ATP9B: variants seen among roughly 807,000 people sequenced by gnomAD.
ATP9B encodes probable phospholipid-transporting ATPase IIB.
In ATP9B, 110 loss-of-function variants were observed where a neutral mutation model predicts 146.1. The observed-to-expected ratio is 0.75, with a 90% confidence interval of 0.65 to 0.88. The LOEUF (loss-of-function observed/expected upper bound fraction) is 0.88, where lower values mean the gene tolerates loss of function less well. ATP9B is among the 40% of genes least tolerant of loss of function. The pLI, the probability that ATP9B is intolerant of heterozygous loss-of-function variation, is 0.00. For synonymous variants in ATP9B, 604 were observed against 569.7 expected (o/e 1.06, Z -0.86); for missense variants, 1,499 against 1,496.4 (o/e 1.00, Z -0.03).
At chr18:79,097,768 G>GTC (rs1396958130) in intron 2 of ATP9B, among the ~76,000 whole-genome samples, 13 of 144,502 alleles carry the variant, frequency 9.0e-5, no homozygotes, top group Non-Finnish European at 1.3e-4. Flanking sequence ...TCTTAATCCA[G>GTC]TCTATCATTG....
intron 8 of ATP9B, among the ~76,000 whole-genome samples, chr18:79,192,325 G>A (rs2095374492): frequency 6.6e-6 from 1 of 152,130 alleles, no homozygotes; most frequent in South Asian, 2.1e-4. Flanking sequence ...AACTCTGTGT[G>A]TTAAAGGGTC....
chr18:79,184,185 G>A (rs1355268415), intron 8 of ATP9B, among the ~76,000 whole-genome samples: 1 of 152,048 alleles, frequency 6.6e-6, no homozygotes, highest in Non-Finnish European at 1.5e-5. Context: ...TTTGTCAGTA[G>A]GTGGAATCGA....
chr18:79,245,593 A>C (rs111991863), intron 11 of ATP9B, among the ~76,000 whole-genome samples: 998 of 43,898 alleles, frequency 0.023, 11 homozygotes, highest in African/African-American at 0.045. Context: ...CACCGCCCTA[A>C]TGACTGTGCG....
At chr18:79,328,867 A>T (rs887629751) in intron 15 of ATP9B, among the ~76,000 whole-genome samples, 2 of 152,210 alleles carry the variant, frequency 1.3e-5, no homozygotes, top group Non-Finnish European at 2.9e-5. Context: ...CTAGGGAGCA[A>T]TTAACACAAA....
At chr18:79,335,071 A>C (rs2096815852) in intron 17 of ATP9B, among the ~76,000 whole-genome samples, 1 of 151,872 alleles carries the variant, frequency 6.6e-6, no homozygotes, top group Non-Finnish European at 1.5e-5. Context: ...AACTGTTTTC[A>C]CTTTGCACAC....
chr18:79,280,511 A>G (rs2096365043), intron 13 of ATP9B, among the ~76,000 whole-genome samples: 1 of 152,254 alleles, frequency 6.6e-6, no homozygotes, highest in Non-Finnish European at 1.5e-5. Flanking sequence ...TACATAAAGC[A>G]AGAATTGATA....
intron 11 of ATP9B, among the ~76,000 whole-genome samples, chr18:79,246,938 GCTTAT>G: frequency 6.6e-6 from 1 of 152,292 alleles, no homozygotes; most frequent in South Asian, 2.1e-4. Flanking sequence ...AAATGGATAG[GCTTAT>G]CTTAATATTC....
intron 29 of ATP9B, chr18:79,376,078 A>T: frequency 1.0e-6 from 1 of 984,754 alleles, no homozygotes; most frequent in Non-Finnish European, 1.2e-6. Context: ...CAGAGCCTCT[A>T]AGAGCAGACC....
rs1568775779 is a variant in ATP9B, at chr18:79,347,197, C to G, written c.2683-573C>G. ...TTTATCTGTGTTACTCTCTCCTTCT[C>G]CACAGTCACTTAAATATTAATACAG... On this transcript the variant is annotated intron_variant, in intron 23 of 29. Coordinates refer to ENST00000426216, the MANE Select transcript of ATP9B (RefSeq NM_198531.5). 3.9e-5 allele frequency among the ~76,000 whole-genome samples: 6 copies of G among 152,350 alleles called. 1 individual carries two copies. The South Asian group carries it at 1.2e-3, about 32-fold the overall frequency.
chr18:79,207,336 A>G (rs1268995481), intron 10 of ATP9B, among the ~76,000 whole-genome samples: 1 of 152,246 alleles, frequency 6.6e-6, no homozygotes, highest in Non-Finnish European at 1.5e-5. Context: ...GAGGCACCAC[A>G]GAAGAGCTTG....
chr18:79,377,302 G>A lies in ATP9B; in HGVS notation c.3363G>A (p.Val1121=). The change falls in exon 30 of 30, where the codon GTG becomes GTA. Residue 1121 remains valine (V), a synonymous_variant. Transcript: ENST00000426216. ...TFLWKVSAIT[V]VSCLPLYVLK... The stretch of plus-strand genomic sequence containing the variant: ...TGTGGAAAGTGTCGGCGATCACCGT[G>A]GTCAGCTGCCTCCCGCTGTATGTCC... 1 of 1,612,448 alleles carries A rather than the reference G, an allele frequency of 6.2e-7. No homozygotes were observed. Among genetic ancestry groups the A allele is most frequent in the South Asian group, 1.1e-5 (1 of 91,050 alleles).
intron 15 of ATP9B, among the ~76,000 whole-genome samples, chr18:79,327,304 C>T (rs1426983167): frequency 6.6e-6 from 1 of 152,232 alleles, no homozygotes; most frequent in South Asian, 2.1e-4. Flanking sequence ...GAAGAGGACT[C>T]ACCCAGGCTG....
At chr18:79,289,454 T>C (rs1423595815) in intron 13 of ATP9B, among the ~76,000 whole-genome samples, 1 of 152,248 alleles carries the variant, frequency 6.6e-6, no homozygotes, top group Non-Finnish European at 1.5e-5. Context: ...GAGACTTGGC[T>C]TTCAGCTCCA....
At chr18:79,181,913 C>T in intron 8 of ATP9B, among the ~76,000 whole-genome samples, 1 of 151,952 alleles carries the variant, frequency 6.6e-6, no homozygotes. Context: ...ATTTTTTGGC[C>T]CTCGTTATAG....
At chr18:79,075,652 T>C (rs1297957224) in intron 1 of ATP9B, among the ~76,000 whole-genome samples, 1 of 152,246 alleles carries the variant, frequency 6.6e-6, no homozygotes, top group East Asian at 1.9e-4. Flanking sequence ...GTTTGCATGG[T>C]ATATAATTTT....
In ATP9B at chr18:79,348,267, AAAC is replaced by A. The variant is rs1170847768; in HGVS notation, c.2903+74_2903+76del. The stretch of plus-strand genomic sequence containing the variant: ...TATTTTGAAAAAAAAAAAAAAAAAA[AAAC>A]AAAAAACGTATATAGAAGATTCTTG... On this transcript the variant is annotated intron_variant, in intron 25 of 29. Transcript: ENST00000426216. 992 of 1,223,066 alleles carry A rather than the reference AAAC, an allele frequency of 8.1e-4. 18 individuals carry two copies. Among genetic ancestry groups the A allele is most frequent in the South Asian group, 1.0e-3 (80 of 76,424 alleles). The allele number at this position is 1,223,066 out of a possible 1,614,324, so 75.8% of individuals were successfully genotyped here.
chr18:79,188,091 C>A (rs1388874569), intron 8 of ATP9B, among the ~76,000 whole-genome samples: 3 of 151,992 alleles, frequency 2.0e-5, no homozygotes, highest in Non-Finnish European at 4.4e-5. Context: ...GTAGAATCAA[C>A]AGGAAAGAGA....
At chr18:79,358,192 C>T (rs1347746050) in intron 25 of ATP9B, among the ~76,000 whole-genome samples, 1 of 668 alleles carries the variant, frequency 1.5e-3, no homozygotes, top group Non-Finnish European at 2.3e-3. Context: ...TGAGGGGTGC[C>T]CTGGGTCTGG....
chr18:79,339,186 C>A (rs954593379), intron 19 of ATP9B, among the ~76,000 whole-genome samples: 1 of 147,576 alleles, frequency 6.8e-6, no homozygotes. Context: ...GTAGGAAATA[C>A]GTCATGAGGC....
Sources: allele counts gnomAD v4.1 joint callset (sites outside exome capture counted in the v4.1 genomes callset), GRCh38; gene constraint gnomAD v4.1.1; transcripts MANE v1.5; gene names NCBI Gene and HGNC (gene_info 2026-07-23, HGNC 2026-07-21).